Variants in MMP9 observed in about 807,000 individuals in gnomAD.
The protein encoded by MMP9 is matrix metalloproteinase-9.
In MMP9, 73 loss-of-function variants were observed where a neutral mutation model predicts 76.4. The observed-to-expected ratio is 0.96, with a 90% CI of 0.79 to 1.16. The LOEUF (loss-of-function observed/expected upper bound fraction) is 1.16, where lower values mean the gene tolerates loss of function less well. Ranked by LOEUF, MMP9 falls within the 50% of genes most tolerant of loss-of-function variation. The pLI is 0.00. For missense variants in MMP9, 943 were observed against 973.0 expected (o/e 0.97, Z 0.41); for synonymous variants, 412 against 408.4 (o/e 1.01, Z -0.11).
In MMP9 at chr20:46,012,523, G is replaced by A. The variant is rs776529410; in HGVS notation, c.1271G>A (p.Arg424His). The A allele has an allele frequency of 2.5e-6, 4 of 1,614,056 alleles. No homozygotes were observed. The African/African-American group carries it at 5.3e-5, about 22-fold the overall frequency. Reference sequence around the variant, plus strand: ...GAGGCGCTCATGTACCCTATGTACCGCTTCACTGAGGGGCCCCCCTTGCAT... The same window carrying A: ...GAGGCGCTCATGTACCCTATGTACCACTTCACTGAGGGGCCCCCCTTGCAT... Reference protein sequence around the residue: ...VPEALMYPMYRFTEGPPLHKD... With the variant: ...VPEALMYPMYHFTEGPPLHKD... The change falls in exon 8 of 13, where the codon CGC becomes CAC. Residue 424 changes from arginine (R) to histidine (H), a missense_variant. By Grantham distance (29) the Arg-to-His change is conservative (BLOSUM62 0). Coordinates refer to ENST00000372330, the MANE Select transcript of MMP9 (RefSeq NM_004994.3).
Position 46,014,189 on chromosome 20 carries a change from CTGGGAGCCG to C in MMP9, c.1817_1825del (p.Leu606_Asp609delinsHis). 1 of 1,538,394 alleles carries C rather than the reference CTGGGAGCCG, an allele frequency of 6.5e-7. No homozygotes were observed. On this transcript the variant is annotated inframe_deletion, in exon 11 of 13. Transcript: ENST00000372330. ...CCCGAGGCGTCTGGACAAGCTGGGC[CTGGGAGCCG>C]ACGTGGCCCAGGTGACCGGGGCCCT...
intron 1 of MMP9, among the ~76,000 whole-genome samples, chr20:46,009,443 C>T (rs2084261908): frequency 6.6e-6 from 1 of 151,952 alleles, no homozygotes; most frequent in South Asian, 2.1e-4. Context: ...GGGGAGATCC[C>T]TGGGTGGTCA....
chr20:46,013,831 A>C lies in MMP9; in HGVS notation c.1750+35A>C. The C allele has an allele frequency of 6.2e-7, 1 of 1,610,820 alleles. No individual in the cohort carries two copies. The highest frequency in any genetic ancestry group is 8.5e-7 in the Non-Finnish European group (1 of 1,179,374). On this transcript the variant is annotated intron_variant, in intron 10 of 12. Transcript: ENST00000372330. This position sits in a 1 kb window ranked among gnomAD's most constrained non-coding sequence, Gnocchi z 4.5. ...CTACTTTCCCTCCCCCGCCCGGTCA[A>C]TCCCCATCAGTCAAGGAGGCTCAAG...
chr20:46,011,313 G>A lies in MMP9; in HGVS notation c.820G>A (p.Glu274Lys), dbSNP rs367601348. The change falls in exon 5 of 13, where the codon GAG (glutamate) becomes AAG (lysine). Residue 274 changes from glutamate (E) to lysine (K), a missense_variant. Physicochemically the swap from Glu to Lys is moderately conservative, Grantham distance 56. Coordinates refer to ENST00000372330, the MANE Select transcript of MMP9 (RefSeq NM_004994.3). ...CGACCGGTTTGGCTTCTGCCCCAGC[G>A]AGAGTGAGTGAGGGGGCTCGCCGAG... ...TDDRFGFCPSERLYTQDGNAD... is the reference protein window; with the variant it reads ...TDDRFGFCPSKRLYTQDGNAD... 3.1e-5 allele frequency: 49 copies of A among 1,601,940 alleles called. No homozygotes were observed. The highest frequency in any genetic ancestry group is 2.5e-5 in the Non-Finnish European group (29 of 1,177,402).
Position 46,014,285 on chromosome 20 carries a change from CCGCGGCCGCCGGCAGGGGGAGCCCGGG to C in MMP9, c.1901+15_1901+41del. 1 of 1,526,180 alleles carries C rather than the reference CCGCGGCCGCCGGCAGGGGGAGCCCGGG, an allele frequency of 6.6e-7. No individual in the cohort carries two copies. The highest frequency in any genetic ancestry group is 2.1e-4 in the Middle Eastern group (1 of 4,842). 94.5% of individuals were successfully genotyped at this position (1,526,180 alleles called of 1,614,324 possible). On this transcript the variant is annotated intron_variant, in intron 11 of 12. Transcript: ENST00000372330. ...GCGGCGCCTCTGGAGGTGAGCGCCG[CCGCGGCCGCCGGCAGGGGGAGCCCGGG>C]CGCCGTCGGTCCGTCCGCTAGCCGG...
At position 46,008,956 on chromosome 20, in the gene MMP9, G is replaced by A. The variant is rs753775895; in HGVS notation, c.30G>A (p.Val10=). MSLWQPLVL[V]LLVLGCCFAA... is the part of the protein sequence containing the mutation. ...GCCTCTGGCAGCCCCTGGTCCTGGT[G>A]CTCCTGGTGCTGGGCTGCTGCTTTG... Residue 10 remains valine, a synonymous_variant, in exon 1 of 13, where the codon GTG becomes GTA. Transcript: ENST00000372330. 1.2e-6 allele frequency: 2 copies of A among 1,613,988 alleles called. No homozygotes were observed. The highest frequency in any genetic ancestry group is 1.7e-6 in the Non-Finnish European group (2 of 1,179,962).
chr20:46,013,748 G>A lies in MMP9; in HGVS notation c.1702G>A (p.Asp568Asn), dbSNP rs1282416374. ...DKWPALPRKL[D>N]SVFEERLSKK... ...GTGGCCCGCGCTGCCCCGCAAGCTG[G>A]ACTCGGTCTTTGAGGAGCGGCTCTC... The change falls in exon 10 of 13, where the codon GAC becomes AAC. Residue 568 changes from aspartate to asparagine, a missense_variant. Physicochemically the swap from Asp to Asn is conservative, Grantham distance 23. Coordinates refer to ENST00000372330, the MANE Select transcript of MMP9 (RefSeq NM_004994.3). This position sits in a 1 kb window ranked among gnomAD's most constrained non-coding sequence, Gnocchi z 4.5. 1 of 1,613,730 alleles carries A rather than the reference G, an allele frequency of 6.2e-7. No individual in the cohort carries two copies. Among genetic ancestry groups the A allele is most frequent in the East Asian group, 2.2e-5 (1 of 44,860 alleles).
Position 46,010,575 on chromosome 20 carries a change from C to A in MMP9, c.464C>A (p.Thr155Asn). 1 of 1,614,184 alleles carries A rather than the reference C, an allele frequency of 6.2e-7. No individual in the cohort carries two copies. Among genetic ancestry groups the A allele is most frequent in the Non-Finnish European group, 8.5e-7 (1 of 1,180,022 alleles). Residue 155 changes from threonine to asparagine, a missense_variant, in exon 3 of 13, where the codon ACC becomes AAC. Coordinates refer to ENST00000372330, the MANE Select transcript of MMP9 (RefSeq NM_004994.3). ...CTGTGGAGCGCGGTGACGCCGCTCA[C>A]CTTCACTCGCGTGTACAGCCGGGAC... ...FALWSAVTPLTFTRVYSRDAD... is the reference protein window; with the variant it reads ...FALWSAVTPLNFTRVYSRDAD...
rs1285516259 is a variant in MMP9 at position 46,012,513 on chromosome 20, C to T, written c.1261C>T (p.Pro421Ser). ...HSSVPEALMY[P>S]MYRFTEGPPL... ...CTCAGTGCCGGAGGCGCTCATGTAC[C>T]CTATGTACCGCTTCACTGAGGGGCC... The change falls in exon 8 of 13, where the codon CCT becomes TCT. Residue 421 changes from proline to serine, a missense_variant. Coordinates refer to ENST00000372330, the MANE Select transcript of MMP9 (RefSeq NM_004994.3). 1 of 1,613,988 alleles carries T rather than the reference C, an allele frequency of 6.2e-7. No homozygotes were observed. Among genetic ancestry groups the T allele is most frequent in the East Asian group, 2.2e-5 (1 of 44,878 alleles).
Position 46,011,325 on chromosome 20 carries a change from G to A in MMP9, c.823+9G>A. ...CTTCTGCCCCAGCGAGAGTGAGTGA[G>A]GGGGCTCGCCGAGGGCTGGGGGCGC... On this transcript the variant is annotated intron_variant, in intron 5 of 12. Coordinates refer to ENST00000372330, the MANE Select transcript of MMP9 (RefSeq NM_004994.3). The A allele has an allele frequency of 1.9e-6, 3 of 1,599,916 alleles. No homozygotes were observed. Among genetic ancestry groups the A allele is most frequent in the Non-Finnish European group, 2.5e-6 (3 of 1,176,702 alleles).
At position 46,009,977 on chromosome 20, in the gene MMP9, G is replaced by A. The variant is rs143695450; in HGVS notation, c.250G>A (p.Gly84Ser). The change falls in exon 2 of 13, where the codon GGT becomes AGT. Residue 84 changes from glycine to serine, a missense_variant. Transcript: ENST00000372330. ...LQKQLSLPET[G>S]ELDSATLKAM... Reference sequence around the variant, plus strand: ...GAAGCAACTGTCCCTGCCCGAGACCGGTGAGCTGGATAGCGCCACGCTGAA... The same window carrying A: ...GAAGCAACTGTCCCTGCCCGAGACCAGTGAGCTGGATAGCGCCACGCTGAA... The A allele has an allele frequency of 2.6e-6, 4 of 1,551,816 alleles. No homozygotes were observed. Among genetic ancestry groups the A allele is most frequent in the Non-Finnish European group, 3.5e-6 (4 of 1,147,034 alleles).
chr20:46,011,209 G>A lies in MMP9; in HGVS notation c.716G>A (p.Arg239His), dbSNP rs28763886. 2.0e-3 allele frequency: 3,300 copies of A among 1,613,860 alleles called. 62 individuals carry two copies. In the African/African-American group the frequency reaches 0.039, roughly 19 times the overall value. ...ACHFPFIFEG[R>H]SYSACTTDGR... Reference sequence around the variant, plus strand: ...CACTTCCCCTTCATCTTCGAGGGCCGCTCCTACTCTGCCTGCACCACCGAC... The same window carrying A: ...CACTTCCCCTTCATCTTCGAGGGCCACTCCTACTCTGCCTGCACCACCGAC... Residue 239 changes from arginine to histidine, a missense_variant, in exon 5 of 13, where the codon CGC (arginine) becomes CAC (histidine). Transcript: ENST00000372330.
chr20:46,014,173 T>A lies in MMP9; in HGVS notation c.1800T>A (p.Arg600=). 6.5e-7 allele frequency: 1 copy of A among 1,538,448 alleles called. No individual in the cohort carries two copies. Among genetic ancestry groups the A allele is most frequent in the Non-Finnish European group, 8.7e-7 (1 of 1,146,190 alleles). The change falls in exon 11 of 13, where the codon CGT becomes CGA. Residue 600 remains arginine, a synonymous_variant. Coordinates refer to ENST00000372330, the MANE Select transcript of MMP9 (RefSeq NM_004994.3). The part of the protein sequence containing the change: ...YTGASVLGPR[R]LDKLGLGADV... ...GCGCGTCGGTGCTGGGCCCGAGGCG[T>A]CTGGACAAGCTGGGCCTGGGAGCCG...
chr20:46,012,698 C>A, intron 8 of MMP9, 116 bp downstream of exon 8: 1 of 1,448,850 alleles, frequency 6.9e-7, no homozygotes, highest in African/African-American at 1.4e-5. Context: ...GAGGTGGGAC[C>A]TCAACGTCTG....
rs1555856938 is a variant in MMP9 at position 46,010,330 on chromosome 20, A to ACAAAACAAAACAAAAC, written c.372-153_372-152insCAAAACAAAACAAAAC. Among the ~76,000 whole-genome samples, 11 of 101,956 alleles carry ACAAAACAAAACAAAAC rather than the reference A, an allele frequency of 1.1e-4. 1 individual carries two copies. Among genetic ancestry groups the ACAAAACAAAACAAAAC allele is most frequent in the African/African-American group, 4.0e-4 (11 of 27,356 alleles). 66.9% of individuals were successfully genotyped at this position (101,956 alleles called of 152,430 possible). A position where few individuals can be genotyped will look rare whatever the true frequency, so the allele number is the denominator to read the frequency against. On this transcript the variant is annotated intron_variant, in intron 2 of 12. Transcript: ENST00000372330. ...TGAGGGTCTAAGTAGACAAAAAAAA[A>ACAAAACAAAACAAAAC]AAAAAAAAAAACAGTCTGGAAGCAA... is the stretch of plus-strand genomic sequence containing the variant.
Position 46,009,573 on chromosome 20 carries a change from G to T in MMP9, c.139-293G>T, listed in dbSNP as rs375018452. Among the ~76,000 whole-genome samples the T allele has an allele frequency of 9.9e-5, 15 of 152,206 alleles. No individual in the cohort carries two copies. The East Asian group carries it at 2.7e-3, about 27-fold the overall frequency. On this transcript the variant is annotated intron_variant, in intron 1 of 12. Coordinates refer to ENST00000372330, the MANE Select transcript of MMP9 (RefSeq NM_004994.3). ...AGGCTGAGGTGGTAGGATCGCTGAAGCTCAGGAGTTTGAGCCCAGCCTAGG... is the reference window on the plus strand; with the variant it reads ...AGGCTGAGGTGGTAGGATCGCTGAATCTCAGGAGTTTGAGCCCAGCCTAGG...
chr20:46,011,294 G>A lies in MMP9; in HGVS notation c.801G>A (p.Arg267=). ...STTANYDTDD[R]FGFCPSERLY... Reference sequence around the variant, plus strand: ...CGGCCAACTACGACACCGACGACCGGTTTGGCTTCTGCCCCAGCGAGAGTG... The same window carrying A: ...CGGCCAACTACGACACCGACGACCGATTTGGCTTCTGCCCCAGCGAGAGTG... The change falls in exon 5 of 13, where the codon CGG becomes CGA. Residue 267 remains arginine (R), a synonymous_variant. Transcript: ENST00000372330. 2 of 1,604,428 alleles carry A rather than the reference G, an allele frequency of 1.2e-6. No homozygotes were observed. The highest frequency in any genetic ancestry group is 1.7e-6 in the Non-Finnish European group (2 of 1,177,218).
At chr20:46,010,693 G>C (rs2084273118) in intron 3 of MMP9, 62 bp downstream of exon 3, 4 of 1,567,934 alleles carry the variant, frequency 2.6e-6, no homozygotes, top group Non-Finnish European at 3.5e-6. Context: ...GGAGGACCAC[G>C]GAGAGCGTGG....
At chr20:46,011,526 T>C (rs753482576) in intron 5 of MMP9, 48 bp from the exon 6 acceptor site, 2 of 1,608,444 alleles carry the variant, frequency 1.2e-6, no homozygotes, top group Admixed American at 3.3e-5. Context: ...GGGGTTATAA[T>C]GTGCTGTCTC....
Sources: gnomAD v4.1 joint callset for allele counts (sites outside exome capture counted in the v4.1 genomes callset) on GRCh38, gnomAD v4.1.1 for gene constraint, Gnocchi (gnomAD v3.1) non-coding constraint, MANE v1.5 for transcripts, NCBI Gene and HGNC (gene_info 2026-07-23, HGNC 2026-07-21) for gene names.